Variants in LDB1 observed in about 807,000 individuals in gnomAD.
LDB1 encodes the protein LIM domain binding 1.
Under a neutral mutation model 49.7 loss-of-function variants are expected in LDB1, and 6 were observed. The observed-to-expected ratio is 0.12, with a 90% CI of 0.07 to 0.24. LDB1 has a LOEUF of 0.24. Among genes scored for constraint, LDB1 ranks in the 10% least tolerant of loss-of-function variants. The probability of loss-of-function intolerance (pLI) is 1.00; values close to 1 mark genes in which losing one functional copy is unlikely to be tolerated. For missense variants in LDB1, 341 were observed against 561.7 expected (o/e 0.61, Z 3.97); for synonymous variants, 233 against 202.0 (o/e 1.15, Z -1.30).
At chr10:102,114,630 G>A in intron 1 of LDB1, 1 of 983,028 alleles carries the variant, frequency 1.0e-6, no homozygotes, top group Non-Finnish European at 1.2e-6. Context: ...AGTTACAATG[G>A]CCACTGGGCC....
chr10:102,110,592 A>T lies in LDB1; in HGVS notation c.462T>A (p.Phe154Leu). ...KHPKEAFHSN[F>L]VSLDCDQGSM... is the part of the protein sequence containing the mutation. Reference sequence around the variant, plus strand: ...TGCCCTGGTCACAGTCGAGGGACACAAAGTTGCTGTGGAATGCCTCCTTGG... The same window carrying T: ...TGCCCTGGTCACAGTCGAGGGACACTAAGTTGCTGTGGAATGCCTCCTTGG... Residue 154 changes from phenylalanine to leucine, a missense_variant, in exon 6 of 11, where the codon TTT becomes TTA. Phe to Leu is a conservative substitution (Grantham distance 22, BLOSUM62 0). Around this residue, in one of 5 missense-constraint regions of LDB1, gnomAD observed 233 missense variants for 385.7 expected, o/e 0.60. Transcript: ENST00000673968. The T allele has an allele frequency of 6.2e-7, 1 of 1,614,046 alleles. No individual in the cohort carries two copies. The highest frequency in any genetic ancestry group is 8.5e-7 in the Non-Finnish European group (1 of 1,179,980).
Position 102,110,923 on chromosome 10 carries a change from C to T in LDB1, c.298G>A (p.Asp100Asn). ...WDAFTTEFFE[D>N]DAMLTITFCL... ...AAAGTGATGGTCAACATGGCATCAT[C>T]CTCAAAGAACTCAGTCGTGAATGCA... Residue 100 changes from aspartate (D) to asparagine (N), a missense_variant, in exon 5 of 11, where the codon GAT becomes AAT. Coordinates refer to ENST00000673968, the MANE Select transcript of LDB1 (RefSeq NM_001113407.3). 1 of 1,614,142 alleles carries T rather than the reference C, an allele frequency of 6.2e-7. No individual in the cohort carries two copies. Among genetic ancestry groups the T allele is most frequent in the Non-Finnish European group, 8.5e-7 (1 of 1,180,004 alleles).
chr10:102,107,847 T>C lies in LDB1; in HGVS notation c.*246A>G. On this transcript the variant is annotated 3_prime_UTR_variant, in exon 11 of 11. Coordinates refer to ENST00000673968, the MANE Select transcript of LDB1 (RefSeq NM_001113407.3). ...TCAGGACATGTCTCAGAGGCCCAGG[T>C]TCCAAGTAGGCATCCACATGAGTAC... 1 of 563,136 alleles carries C rather than the reference T, an allele frequency of 1.8e-6. No individual in the cohort carries two copies. The highest frequency in any genetic ancestry group is 3.2e-6 in the Non-Finnish European group (1 of 314,486). The allele number at this position is 563,136 out of a possible 1,614,324, so 34.9% of individuals were successfully genotyped here. A position where few individuals can be genotyped will look rare whatever the true frequency, so the allele number is the denominator to read the frequency against.
rs1209983970 is a variant in LDB1 at position 102,109,607 on chromosome 10, T to C, written c.725A>G (p.Tyr242Cys). The C allele has an allele frequency of 6.2e-7, 1 of 1,613,168 alleles. No individual in the cohort carries two copies. Among genetic ancestry groups the C allele is most frequent in the African/African-American group, 1.3e-5 (1 of 74,638 alleles). ...RCGLSNSTLNYLRLCVILEPM... is the reference protein window; with the variant it reads ...RCGLSNSTLNCLRLCVILEPM... ...GGGTGGTCGGAGACTCACTCGGAGG[T>C]AGTTGAGAGTGGAATTGGACAGCCC... Residue 242 changes from tyrosine (Y) to cysteine (C), a missense_variant, in exon 8 of 11, where the codon TAC becomes TGC. Tyr to Cys is a radical substitution (Grantham distance 194). Around this residue, in one of 5 missense-constraint regions of LDB1, gnomAD observed 233 missense variants for 385.7 expected, o/e 0.60. Transcript: ENST00000673968. This position sits in a 1 kb window ranked among gnomAD's most constrained non-coding sequence, Gnocchi z 5.8.
In LDB1 at chr10:102,117,588, C is replaced by A. The variant is rs1268052590; in HGVS notation, c.25+2498G>T. 6.6e-6 allele frequency among the ~76,000 whole-genome samples: 1 copy of A among 152,154 alleles called. No individual in the cohort carries two copies. Among genetic ancestry groups the A allele is most frequent in the Non-Finnish European group, 1.5e-5 (1 of 68,014 alleles). ...CCCAGGCCTCCAGTGTGCCTGCCCC[C>A]CTTCCTTTGTCTGTGCCCGGCCTCC... On this transcript the variant is annotated intron_variant, in intron 1 of 10. Transcript: ENST00000673968. This position sits in a 1 kb window ranked among gnomAD's most constrained non-coding sequence, Gnocchi z 4.2.
At position 102,117,155 on chromosome 10, in the gene LDB1, G is replaced by T. The variant is rs2068344951; in HGVS notation, c.25+2931C>A. ...AAATGTGCTCTGGCTTTTGCCTCCA[G>T]CCCAGAGCTCAGAACCCCACACCCA... On this transcript the variant is annotated intron_variant, in intron 1 of 10. Transcript: ENST00000673968. This position sits in a 1 kb window ranked among gnomAD's most constrained non-coding sequence, Gnocchi z 4.2. 6.6e-6 allele frequency among the ~76,000 whole-genome samples: 1 copy of T among 152,082 alleles called. No individual in the cohort carries two copies. Among genetic ancestry groups the T allele is most frequent in the Non-Finnish European group, 1.5e-5 (1 of 68,016 alleles).
At chr10:102,108,395 A>C (rs1315027208) in intron 10 of LDB1, 72 bp from the exon 11 acceptor site, 5 of 1,217,394 alleles carry the variant, frequency 4.1e-6, no homozygotes, top group Non-Finnish European at 5.9e-6. Context: ...AGATACCCCC[A>C]GAGCCCCAGT....
In LDB1 at chr10:102,109,227, T is replaced by C; in HGVS notation, c.857-50A>G. ...ATGGGAGAGGGCCCCAGGTCCCCTA[T>C]TCTCCATTGTGGCTCCCAAGGAGCA... On this transcript the variant is annotated intron_variant, in intron 9 of 10. Coordinates refer to ENST00000673968, the MANE Select transcript of LDB1 (RefSeq NM_001113407.3). The surrounding 1 kb of genome is among the most constrained non-coding windows in gnomAD (Gnocchi z 5.8). 6.2e-7 allele frequency: 1 copy of C among 1,611,250 alleles called. No homozygotes were observed. Among genetic ancestry groups the C allele is most frequent in the African/African-American group, 1.3e-5 (1 of 74,884 alleles).
chr10:102,104,497 G>C (rs1230780559), downstream of LDB1, among the ~76,000 whole-genome samples: 1 of 152,130 alleles, frequency 6.6e-6, no homozygotes, highest in Non-Finnish European at 1.5e-5. Flanking sequence ...CAAAGGGCAT[G>C]AGGGTTTTGG....
At position 102,106,526 on chromosome 10, in the gene LDB1, A is replaced by T. The variant is rs950240749; in HGVS notation, c.*1567T>A. Among the ~76,000 whole-genome samples, 36 of 134,258 alleles carry T rather than the reference A, an allele frequency of 2.7e-4. No homozygotes were observed. Among genetic ancestry groups the T allele is most frequent in the African/African-American group, 9.7e-4 (35 of 36,088 alleles). 88.1% of individuals were successfully genotyped at this position (134,258 alleles called of 152,430 possible). A position where few individuals can be genotyped will look rare whatever the true frequency, so the allele number is the denominator to read the frequency against. ...GTCTCTTTATTGATTGGTACCATACATGACTCAAATGGCCCAAAAAAAAAA... is the reference window on the plus strand; with the variant it reads ...GTCTCTTTATTGATTGGTACCATACTTGACTCAAATGGCCCAAAAAAAAAA... On this transcript the variant is annotated 3_prime_UTR_variant, in exon 11 of 11. Coordinates refer to ENST00000673968, the MANE Select transcript of LDB1 (RefSeq NM_001113407.3).
chr10:102,111,198 C>A, intron 3 of LDB1, 54 bp from the exon 4 acceptor site: 2 of 1,611,706 alleles, frequency 1.2e-6, no homozygotes, highest in South Asian at 2.2e-5. Context: ...CCCCTCCACC[C>A]CCTACCTCGG....
chr10:102,110,618 G>A lies in LDB1; in HGVS notation c.436C>T (p.Pro146Ser). The change falls in exon 6 of 11, where the codon CCC becomes TCC. Residue 146 changes from proline to serine, a missense_variant. Coordinates refer to ENST00000673968, the MANE Select transcript of LDB1 (RefSeq NM_001113407.3). ...ATELYYVLKHPKEAFHSNFVS... is the reference protein window; with the variant it reads ...ATELYYVLKHSKEAFHSNFVS... ...AAGTTGCTGTGGAATGCCTCCTTGG[G>A]GTGCTTAAGAACATAGTACAGCTCC... 6.2e-7 allele frequency: 1 copy of A among 1,614,008 alleles called. No homozygotes were observed. The highest frequency in any genetic ancestry group is 8.5e-7 in the Non-Finnish European group (1 of 1,179,972).
At chr10:102,114,530 G>GGC (rs2068304875) in intron 1 of LDB1, 2 of 985,858 alleles carry the variant, frequency 2.0e-6, no homozygotes, top group African/African-American at 3.5e-5. Flanking sequence ...GGGACGGGCA[G>GGC]GCCCGACTGG....
chr10:102,120,581 C>G (rs1350388341), upstream of LDB1: 1 of 180,876 alleles, frequency 5.5e-6, no homozygotes, highest in East Asian at 1.9e-4. Context: ...GGAGAGCGCG[C>G]AGCAAGCGAC....
At position 102,110,542 on chromosome 10, in the gene LDB1, G is replaced by T. The variant is rs778290861; in HGVS notation, c.512C>A (p.Pro171His). The change falls in exon 6 of 11, where the codon CCC (proline) becomes CAC (histidine). Residue 171 changes from proline to histidine, a missense_variant. Physicochemically the swap from Pro to His is moderately conservative, Grantham distance 77. Transcript: ENST00000673968. Reference sequence around the variant, plus strand: ...TGGGTTGCTGACCTGGGTGAACATGGGCTTGCCATGCTGGGTCACCATGCT... The same window carrying T: ...TGGGTTGCTGACCTGGGTGAACATGTGCTTGCCATGCTGGGTCACCATGCT... The part of the protein sequence containing the change: ...QGSMVTQHGK[P>H]MFTQVCVEGR... 6.2e-7 allele frequency: 1 copy of T among 1,612,128 alleles called. No homozygotes were observed. The highest frequency in any genetic ancestry group is 1.1e-5 in the South Asian group (1 of 90,840).
intron 1 of LDB1, among the ~76,000 whole-genome samples, chr10:102,116,160 T>C (rs1192081273): frequency 6.6e-6 from 1 of 152,208 alleles, no homozygotes; most frequent in Admixed American, 6.5e-5. Context: ...CATAAATCAC[T>C]ACCTGATACA....
chr10:102,114,812 G>GGGGGCCCCCCCCCCCCCCCCCC, intron 1 of LDB1: 20 of 929,818 alleles, frequency 2.2e-5, no homozygotes, highest in African/African-American at 3.6e-5. Flanking sequence ...CCTCCGAGCA[G>GGGGGCCCCCCCCCCCCCCCCCC]CCCGCCCGCC....
At position 102,109,298 on chromosome 10, in the gene LDB1, G is replaced by T; in HGVS notation, c.856+86C>A. On this transcript the variant is annotated intron_variant, in intron 9 of 10. Coordinates refer to ENST00000673968, the MANE Select transcript of LDB1 (RefSeq NM_001113407.3). This position sits in a 1 kb window ranked among gnomAD's most constrained non-coding sequence, Gnocchi z 5.8. Reference sequence around the variant, plus strand: ...TTTTGTAGACCCGGGAACAAGGAAGGGGTGGGGAAAACTTCAAAAGGAAAT... The same window carrying T: ...TTTTGTAGACCCGGGAACAAGGAAGTGGTGGGGAAAACTTCAAAAGGAAAT... 1.2e-6 allele frequency: 2 copies of T among 1,604,296 alleles called. No individual in the cohort carries two copies. Among genetic ancestry groups the T allele is most frequent in the South Asian group, 2.2e-5 (2 of 90,418 alleles).
chr10:102,120,560 A>T (rs1348449098), upstream of LDB1: 1 of 214,954 alleles, frequency 4.7e-6, no homozygotes, highest in African/African-American at 2.4e-5. Flanking sequence ...GAGCCGTGTC[A>T]AAGTGACCCG....
Sources: allele counts gnomAD v4.1 joint callset (sites outside exome capture counted in the v4.1 genomes callset), GRCh38; gene constraint gnomAD v4.1.1; regional missense constraint gnomAD v4.1.1; non-coding constraint Gnocchi (gnomAD v3.1); transcripts MANE v1.5; gene names NCBI Gene and HGNC (gene_info 2026-07-23, HGNC 2026-07-21).